APBB2: variants seen among roughly 807,000 people sequenced by gnomAD.
APBB2 encodes Fe65-like 1.
A neutral mutation model predicts 82.5 loss-of-function variants in APBB2; 38 were observed. That is an observed-to-expected ratio of 0.46 (90% CI 0.36 to 0.60). The LOEUF is 0.60. APBB2 is among the 20% of genes least tolerant of loss of function. The pLI is 0.00. For missense variants in APBB2, 772 were observed against 972.3 expected (o/e 0.79, Z 2.74); for synonymous variants, 341 against 368.2 (o/e 0.93, Z 0.85).
chr4:40,832,891 T>C lies in APBB2; in HGVS notation c.1530-2314A>G, dbSNP rs1752522544. On this transcript the variant is annotated intron_variant, in intron 12 of 17. Coordinates refer to ENST00000508593, the MANE Select transcript of APBB2 (RefSeq NM_004307.2). This position sits in a 1 kb window ranked among gnomAD's most constrained non-coding sequence, Gnocchi z 4.8. ...TACAAGTGTGGGCCTGTGGCACACA[T>C]CCCTCCTTCCTGTTGGGAAAGTCGG... Among the ~76,000 whole-genome samples the C allele has an allele frequency of 1.3e-5, 2 of 152,070 alleles. No homozygotes were observed. Among genetic ancestry groups the C allele is most frequent in the African/African-American group, 4.8e-5 (2 of 41,402 alleles).
intron 6 of APBB2, among the ~76,000 whole-genome samples, chr4:40,965,408 C>T (rs540707147): frequency 4.1e-4 from 63 of 152,102 alleles, no homozygotes; most frequent in African/African-American, 1.4e-3. Context: ...TGGAGGGGCC[C>T]AAGGCTCTGA....
At chr4:40,874,523 G>A (rs10213090) in intron 12 of APBB2, among the ~76,000 whole-genome samples, 30,204 of 152,010 alleles carry the variant, frequency 0.2, 3,118 homozygotes, top group African/African-American at 0.22. Flanking sequence ...CAGGGCGGGG[G>A]GTGGAGATAA....
chr4:40,849,724 AC>A (rs1199108161), intron 12 of APBB2, among the ~76,000 whole-genome samples: 8 of 122,754 alleles, frequency 6.5e-5, no homozygotes, highest in South Asian at 2.7e-4. Flanking sequence ...TACTAAAGTT[AC>A]TTTTTTTTTT....
At chr4:41,178,639 G>A (rs1247603852) in intron 1 of APBB2, among the ~76,000 whole-genome samples, 2 of 152,252 alleles carry the variant, frequency 1.3e-5, no homozygotes, top group Non-Finnish European at 1.5e-5. Flanking sequence ...CATCTAATAT[G>A]GATGTCCCTT....
chr4:41,021,983 G>T (rs558703901), intron 5 of APBB2, among the ~76,000 whole-genome samples: 1 of 152,234 alleles, frequency 6.6e-6, no homozygotes, highest in South Asian at 2.1e-4. Flanking sequence ...CCCACTGGAA[G>T]AAAGAAACTC....
At chr4:40,890,707 TG>T in intron 11 of APBB2, 1 of 494,316 alleles carries the variant, frequency 2.0e-6, no homozygotes, top group East Asian at 3.6e-5. Context: ...CCGAGTCCTC[TG>T]AAATGTGTCC....
At chr4:41,016,741 T>G (rs1810074426) in intron 5 of APBB2, among the ~76,000 whole-genome samples, 1 of 151,792 alleles carries the variant, frequency 6.6e-6, no homozygotes, top group African/African-American at 2.4e-5. Flanking sequence ...GTAACTCTTC[T>G]GCTTGCTAGA....
intron 6 of APBB2, among the ~76,000 whole-genome samples, chr4:40,982,309 A>G (rs201119418): frequency 0.12 from 3,080 of 26,610 alleles, 685 homozygotes; most frequent in East Asian, 0.2. Flanking sequence ...AAGGAAGGAA[A>G]GAAAGAAAGA....
At chr4:40,877,883 C>T (rs748598478) in intron 12 of APBB2, among the ~76,000 whole-genome samples, 1 of 152,182 alleles carries the variant, frequency 6.6e-6, no homozygotes, top group Non-Finnish European at 1.5e-5. Context: ...TGCCACACCC[C>T]GGGCAGAGCA....
chr4:40,977,607 C>G (rs1420056094), intron 6 of APBB2, among the ~76,000 whole-genome samples: 1 of 152,168 alleles, frequency 6.6e-6, no homozygotes, highest in Non-Finnish European at 1.5e-5. Context: ...GCCACTGCAC[C>G]TGGTCTCAAT....
chr4:40,842,476 A>G (rs1236180022), intron 12 of APBB2: 1 of 396,522 alleles, frequency 2.5e-6, no homozygotes, highest in South Asian at 1.8e-5. Flanking sequence ...GAGTCTGAGC[A>G]CTGACAGCTC....
At chr4:41,194,118 T>C in intron 1 of APBB2, 2 of 150,776 alleles carry the variant, frequency 1.3e-5, no homozygotes, top group Non-Finnish European at 2.9e-5. Context: ...TTTGAAACCA[T>C]TCTGGGCAAC....
chr4:41,195,642 G>A, intron 1 of APBB2, among the ~76,000 whole-genome samples: 24 of 152,114 alleles, frequency 1.6e-4, no homozygotes, highest in African/African-American at 4.1e-4. Context: ...TCACATCTTC[G>A]TTGGCAGCAA....
chr4:41,122,780 C>T (rs1242881163), intron 2 of APBB2, among the ~76,000 whole-genome samples: 1 of 152,156 alleles, frequency 6.6e-6, no homozygotes. Flanking sequence ...CAAGTTAGTT[C>T]TTTGCTCAAA....
rs950398740 is a variant in APBB2 at position 40,950,852 on chromosome 4, A to T, written c.836-5779T>A. 3.9e-5 allele frequency among the ~76,000 whole-genome samples: 6 copies of T among 152,276 alleles called. No homozygotes were observed. The South Asian group carries it at 1.0e-3, about 26-fold the overall frequency. ...AGCAAGACTCCGTCTCAAAAAAAAA[A>T]TAATTAAAAAAATTAAAATTAAATT... On this transcript the variant is annotated intron_variant, in intron 6 of 17. Coordinates refer to ENST00000508593, the MANE Select transcript of APBB2 (RefSeq NM_004307.2).
At chr4:41,207,717 G>A (rs1306379229) in intron 1 of APBB2, 1 of 152,012 alleles carries the variant, frequency 6.6e-6, no homozygotes, top group Non-Finnish European at 1.5e-5. Flanking sequence ...TATATTCCTG[G>A]AAAGCCCAGG....
intron 12 of APBB2, among the ~76,000 whole-genome samples, chr4:40,831,833 A>G (rs1272386793): frequency 6.6e-6 from 1 of 152,304 alleles, no homozygotes; most frequent in East Asian, 1.9e-4. Context: ...CTTGGTGAGC[A>G]TGCAGCCGAT....
intron 3 of APBB2, among the ~76,000 whole-genome samples, chr4:41,097,695 T>C (rs1743991972): frequency 6.6e-6 from 1 of 152,180 alleles, no homozygotes; most frequent in South Asian, 2.1e-4. Context: ...TTTTTGAAGG[T>C]ACGGTTATAT....
At chr4:41,085,823 A>T (rs1739460336) in intron 3 of APBB2, among the ~76,000 whole-genome samples, 2 of 152,204 alleles carry the variant, frequency 1.3e-5, no homozygotes, top group African/African-American at 4.8e-5. Context: ...TCTAATACTG[A>T]AATAATCTAT....
Sources: allele counts gnomAD v4.1 joint callset (sites outside exome capture counted in the v4.1 genomes callset), GRCh38; gene constraint gnomAD v4.1.1; non-coding constraint Gnocchi (gnomAD v3.1); transcripts MANE v1.5; gene names NCBI Gene and HGNC (gene_info 2026-07-23, HGNC 2026-07-21).